The following RNF32 variants were observed in gnomAD, a reference collection of about 807,000 sequenced individuals.
The protein encoded by RNF32 is ring finger protein 32.
Under a neutral mutation model 41.0 loss-of-function variants are expected in RNF32, and 36 were observed. The ratio of observed to expected loss-of-function variants is 0.88; its 90% CI spans 0.67 to 1.16. The LOEUF is 1.16. RNF32 is among the 50% of genes most tolerant of loss of function. The pLI is 0.00. For missense variants in RNF32, 413 were observed against 436.7 expected (o/e 0.95, Z 0.48); for synonymous variants, 154 against 160.9 (o/e 0.96, Z 0.32).
At chr7:156,654,399 G>A in intron 3 of RNF32, 177 bp from the exon 4 acceptor site, 1 of 525,924 alleles carries the variant, frequency 1.9e-6, no homozygotes. Context: ...AGCATCCTTG[G>A]AATGTCCTGG....
Position 156,670,930 on chromosome 7 carries a change from A to ATT in RNF32, c.685-4766_685-4765insTT, listed in dbSNP as rs1802344944. ...AGTAAATCTAATAGACATTGATTCCACCGAACAAGAAAACTCATGTCTCAG... is the reference window on the plus strand; with the variant it reads ...AGTAAATCTAATAGACATTGATTCCATTCCGAACAAGAAAACTCATGTCTCAG... On this transcript the variant is annotated intron_variant, in intron 7 of 8. Coordinates refer to ENST00000317955, the MANE Select transcript of RNF32 (RefSeq NM_030936.4). The surrounding 1 kb of genome is among the most constrained non-coding windows in gnomAD (Gnocchi z 4.3). 6.6e-6 allele frequency among the ~76,000 whole-genome samples: 1 copy of ATT among 152,236 alleles called. No individual in the cohort carries two copies. Among genetic ancestry groups the ATT allele is most frequent in the African/African-American group, 2.4e-5 (1 of 41,464 alleles).
chr7:156,674,718 C>T (rs1170442814), intron 7 of RNF32, among the ~76,000 whole-genome samples: 1 of 152,114 alleles, frequency 6.6e-6, no homozygotes, highest in Non-Finnish European at 1.5e-5. Flanking sequence ...GTACTGTATT[C>T]AATTAATAAA....
At chr7:156,674,264 G>A (rs1486789331) in intron 7 of RNF32, among the ~76,000 whole-genome samples, 8 of 152,134 alleles carry the variant, frequency 5.3e-5, no homozygotes, top group African/African-American at 9.7e-5. Flanking sequence ...GCCACCCCCC[G>A]GGCCTGGAGA....
intron 2 of RNF32, 36 bp from the exon 3 acceptor site, chr7:156,644,463 T>A: frequency 6.6e-7 from 1 of 1,515,018 alleles, no homozygotes; most frequent in South Asian, 1.1e-5. Context: ...TATTACATAA[T>A]ACTCCTCTAA....
chr7:156,646,111 T>A (rs2131353459), intron 3 of RNF32, among the ~76,000 whole-genome samples: 1 of 152,358 alleles, frequency 6.6e-6, no homozygotes, highest in South Asian at 2.1e-4. Flanking sequence ...AATAAAGGCA[T>A]GCAAATCAAT....
At chr7:156,659,463 C>A (rs1226292195) in intron 7 of RNF32, 27 of 985,230 alleles carry the variant, frequency 2.7e-5, no homozygotes, top group Non-Finnish European at 2.9e-5. Flanking sequence ...TACATTCTTT[C>A]CAGTTTTTTA....
chr7:156,660,494 T>C (rs1261399589), intron 7 of RNF32: 1 of 167,486 alleles, frequency 6.0e-6, no homozygotes, highest in African/African-American at 2.4e-5. Context: ...GGGTGGTAGT[T>C]GAGAACAAAC....
At chr7:156,650,088 T>C (rs1490379426) in intron 3 of RNF32, among the ~76,000 whole-genome samples, 1 of 152,210 alleles carries the variant, frequency 6.6e-6, no homozygotes, top group East Asian at 1.9e-4. Context: ...GCTGCAAATA[T>C]ACAAGCAACA....
chr7:156,646,071 G>T (rs1359410418), intron 3 of RNF32, among the ~76,000 whole-genome samples: 1 of 152,200 alleles, frequency 6.6e-6, no homozygotes, highest in East Asian at 1.9e-4. Context: ...TTCTTACTGT[G>T]TATGGTATTG....
intron 5 of RNF32, 112 bp from the exon 6 acceptor site, chr7:156,658,016 T>A (rs536076239): frequency 8.8e-7 from 1 of 1,131,014 alleles, no homozygotes; most frequent in East Asian, 2.4e-5. Context: ...TTGGGCTAAG[T>A]CTCATAGTTA....
chr7:156,661,066 T>C (rs80258423), intron 7 of RNF32, among the ~76,000 whole-genome samples: 2,819 of 152,336 alleles, frequency 0.019, 89 homozygotes, highest in African/African-American at 0.065. Context: ...GCAAGACTGA[T>C]GGCCTGCGGC....
intron 7 of RNF32, among the ~76,000 whole-genome samples, chr7:156,667,446 G>A (rs549076787): frequency 1.0e-3 from 159 of 152,110 alleles, no homozygotes; most frequent in Non-Finnish European, 1.9e-3. Flanking sequence ...TGATATGTGA[G>A]GCTTAAAAGG....
Position 156,676,951 on chromosome 7 carries a change from T to C in RNF32, c.*296T>C, listed in dbSNP as rs1314609997. On this transcript the variant is annotated 3_prime_UTR_variant, in exon 9 of 9. Transcript: ENST00000317955. ...TTGAGGTTAAGATATAGCTAGTGTC[T>C]GAACGACACTCCTTAAAGTAAGTTC... 3.2e-6 allele frequency: 1 copy of C among 316,702 alleles called. No homozygotes were observed. The highest frequency in any genetic ancestry group is 5.9e-6 in the Non-Finnish European group (1 of 168,908). The allele number at this position is 316,702 out of a possible 1,614,324, so 19.6% of individuals were successfully genotyped here. A position where few individuals can be genotyped will look rare whatever the true frequency, so the allele number is the denominator to read the frequency against.
intron 3 of RNF32, among the ~76,000 whole-genome samples, chr7:156,648,365 AG>A (rs1798259736): frequency 6.6e-6 from 1 of 152,190 alleles, no homozygotes; most frequent in Non-Finnish European, 1.5e-5. Flanking sequence ...GATGTCTTCT[AG>A]AAAACAGCAT....
At chr7:156,649,208 A>AT (rs985520368) in intron 3 of RNF32, among the ~76,000 whole-genome samples, 17 of 147,832 alleles carry the variant, frequency 1.1e-4, no homozygotes, top group African/African-American at 3.8e-4. Flanking sequence ...TCTGCTGGAG[A>AT]TTTTTTTTGA....
At chr7:156,661,210 C>CATA (rs34490738) in intron 7 of RNF32, among the ~76,000 whole-genome samples, 72,517 of 151,792 alleles carry the variant, frequency 0.48, 19,927 homozygotes, top group African/African-American at 0.77. Flanking sequence ...AAGGAGTGGG[C>CATA]ATAAGGGGCA....
chr7:156,656,136 C>T (rs945863068), intron 4 of RNF32, among the ~76,000 whole-genome samples: 5 of 152,220 alleles, frequency 3.3e-5, no homozygotes, highest in African/African-American at 7.2e-5. Context: ...CAATTAATTC[C>T]GTATAGTAGG....
Position 156,644,852 on chromosome 7 carries a change from AT to A in RNF32, c.274+98del. 3.1e-6 allele frequency: 4 copies of A among 1,285,272 alleles called. No individual in the cohort carries two copies. The South Asian group carries it at 4.1e-5, about 13-fold the overall frequency. The allele number at this position is 1,285,272 out of a possible 1,614,324, so 79.6% of individuals were successfully genotyped here. Reference sequence around the variant, plus strand: ...ATTTTTTATGTTACAGAAATAACTTATTTATAATTATACAGAGAGGTGTGTA... The same window carrying A: ...ATTTTTTATGTTACAGAAATAACTTATTATAATTATACAGAGAGGTGTGTA... On this transcript the variant is annotated intron_variant, in intron 3 of 8. Transcript: ENST00000317955.
At chr7:156,659,188 C>T (rs1800219287) in intron 7 of RNF32, 39 of 1,164,884 alleles carry the variant, frequency 3.3e-5, no homozygotes, top group Middle Eastern at 7.1e-4. Context: ...GCAGCAGCTC[C>T]GAGGCTGTCA....
Sources: gnomAD v4.1 joint callset for allele counts (sites outside exome capture counted in the v4.1 genomes callset) on GRCh38, gnomAD v4.1.1 for gene constraint, Gnocchi (gnomAD v3.1) non-coding constraint, MANE v1.5 for transcripts, NCBI Gene and HGNC (gene_info 2026-07-23, HGNC 2026-07-21) for gene names.